SH3GL2: variants seen among roughly 807,000 people sequenced by gnomAD.
SH3GL2 encodes endophilin-A1.
SH3GL2 carries 24 observed loss-of-function variants against 46.0 expected under a neutral mutation model. The ratio of observed to expected loss-of-function variants is 0.52; its 90% CI spans 0.38 to 0.73. The LOEUF (loss-of-function observed/expected upper bound fraction) is 0.73, where lower values mean the gene tolerates loss of function less well. Ranked by LOEUF, SH3GL2 falls within the 30% of genes least tolerant of loss-of-function variation. The probability of loss-of-function intolerance (pLI) is 0.00; values close to 1 mark genes in which losing one functional copy is unlikely to be tolerated. For synonymous variants in SH3GL2, 196 were observed against 147.1 expected, an observed-to-expected ratio of 1.33 and a Z score of -2.40; for missense variants, 413 against 424.2, an observed-to-expected ratio of 0.97 and a Z score of 0.23.
rs1472137408 is a variant in SH3GL2, at chr9:17,685,057, AG to A, written c.46-62006del. Among the ~76,000 whole-genome samples the A allele has an allele frequency of 1.3e-4, 20 of 152,184 alleles. 2 individuals are homozygous for A. The East Asian group carries it at 3.7e-3, about 28-fold the overall frequency. On this transcript the variant is annotated intron_variant, in intron 1 of 8. Coordinates refer to ENST00000380607, the MANE Select transcript of SH3GL2 (RefSeq NM_003026.5). ...CATGGTATAGCTTTGGTGGTTTTTA[AG>A]GGTGGTGTACTTGGTACCTATATCA...
At position 17,787,346 on chromosome 9, in the gene SH3GL2, T is replaced by G. The variant is rs752335394; in HGVS notation, c.332-34T>G. ...TTATTGCGAGTGCATTTCATCTTTA[T>G]TCTGTAACATGAAAGAGCTTTATTC... On this transcript the variant is annotated intron_variant, in intron 4 of 8. Coordinates refer to ENST00000380607, the MANE Select transcript of SH3GL2 (RefSeq NM_003026.5). The G allele has an allele frequency of 1.9e-6, 3 of 1,593,422 alleles. No individual in the cohort carries two copies. In the African/African-American group the frequency reaches 4.0e-5, roughly 22 times the overall value.
At chr9:17,677,284 GT>G (rs1820636570) in intron 1 of SH3GL2, among the ~76,000 whole-genome samples, 3 of 151,904 alleles carry the variant, frequency 2.0e-5, no homozygotes, top group Admixed American at 6.6e-5. Context: ...GTATAATCTT[GT>G]TTGTGGCTTA....
chr9:17,772,674 G>C (rs557445501), intron 3 of SH3GL2, among the ~76,000 whole-genome samples: 1 of 152,074 alleles, frequency 6.6e-6, no homozygotes, highest in Non-Finnish European at 1.5e-5. Flanking sequence ...TATAAGAATT[G>C]CCTTCCTTTT....
chr9:17,790,324 C>G (rs1824088298), intron 6 of SH3GL2: 1 of 388,306 alleles, frequency 2.6e-6, no homozygotes, highest in Non-Finnish European at 3.5e-6. Flanking sequence ...AGAAATAATG[C>G]TTTACCAGCT....
intron 1 of SH3GL2, among the ~76,000 whole-genome samples, chr9:17,579,904 A>G (rs1818245905): frequency 6.6e-6 from 1 of 152,238 alleles, no homozygotes; most frequent in South Asian, 2.1e-4. Context: ...CTTTGAGGCC[A>G]GGGCATGACA....
chr9:17,793,227 A>G, intron 7 of SH3GL2, 140 bp from the exon 8 acceptor site: 1 of 705,974 alleles, frequency 1.4e-6, no homozygotes, highest in East Asian at 2.8e-5. Context: ...AAGAAAACTA[A>G]GGGTCCTTTT....
At chr9:17,786,797 C>G (rs753534106) in intron 4 of SH3GL2, among the ~76,000 whole-genome samples, 1 of 151,960 alleles carries the variant, frequency 6.6e-6, no homozygotes, top group Non-Finnish European at 1.5e-5. Flanking sequence ...TTGGCACTTT[C>G]TATTGGGTGT....
At chr9:17,662,742 T>C (rs1820252029) in intron 1 of SH3GL2, among the ~76,000 whole-genome samples, 2 of 147,858 alleles carry the variant, frequency 1.4e-5, no homozygotes. Context: ...AGAGTCTTGC[T>C]CTTGTCACCC....
chr9:17,691,086 A>G (rs1821065215), intron 1 of SH3GL2, among the ~76,000 whole-genome samples: 1 of 152,194 alleles, frequency 6.6e-6, no homozygotes. Flanking sequence ...GAACCTTAGC[A>G]TGCTAGGGTA....
intron 1 of SH3GL2, among the ~76,000 whole-genome samples, chr9:17,690,414 C>G (rs1821046394): frequency 6.6e-6 from 1 of 152,078 alleles, no homozygotes; most frequent in South Asian, 2.1e-4. Flanking sequence ...TGATTTTGAC[C>G]TCTTTGGCTT....
intron 1 of SH3GL2, among the ~76,000 whole-genome samples, chr9:17,743,097 A>G (rs192396916): frequency 5.9e-5 from 9 of 152,334 alleles, no homozygotes; most frequent in African/African-American, 1.9e-4. Flanking sequence ...ATTATTGGCC[A>G]GATGGACTCA....
At chr9:17,684,589 T>G (rs957570863) in intron 1 of SH3GL2, among the ~76,000 whole-genome samples, 1 of 152,104 alleles carries the variant, frequency 6.6e-6, no homozygotes, top group African/African-American at 2.4e-5. Context: ...CCCAAACTAA[T>G]GACACATACC....
At chr9:17,655,132 A>G (rs1020218568) in intron 1 of SH3GL2, among the ~76,000 whole-genome samples, 4 of 152,202 alleles carry the variant, frequency 2.6e-5, no homozygotes, top group Admixed American at 6.5e-5. Context: ...GCCTTAAGCC[A>G]GGGTCCATAA....
chr9:17,707,092 C>A (rs940072681), intron 1 of SH3GL2, among the ~76,000 whole-genome samples: 1 of 152,028 alleles, frequency 6.6e-6, no homozygotes, highest in African/African-American at 2.4e-5. Flanking sequence ...GAGCAGCCTA[C>A]AGTAATGGGG....
At chr9:17,648,496 T>A (rs574812780) in intron 1 of SH3GL2, among the ~76,000 whole-genome samples, 9 of 152,332 alleles carry the variant, frequency 5.9e-5, no homozygotes, top group African/African-American at 1.9e-4. Context: ...TGTTCTGAGT[T>A]AACTCACTCA....
intron 1 of SH3GL2, among the ~76,000 whole-genome samples, chr9:17,662,532 G>T (rs1401121597): frequency 6.6e-6 from 1 of 152,114 alleles, no homozygotes; most frequent in Non-Finnish European, 1.5e-5. Context: ...AGTGCCTTCT[G>T]TATACAATGA....
At chr9:17,615,375 G>A (rs1818964514) in intron 1 of SH3GL2, among the ~76,000 whole-genome samples, 1 of 151,830 alleles carries the variant, frequency 6.6e-6, no homozygotes, top group African/African-American at 2.4e-5. Context: ...TCCCTTCATT[G>A]GCTGGGTGCG....
intron 1 of SH3GL2, among the ~76,000 whole-genome samples, chr9:17,740,465 A>AGTATT (rs137877310): frequency 0.019 from 2,844 of 151,278 alleles, 90 homozygotes; most frequent in African/African-American, 0.062. Flanking sequence ...TATGTCATCA[A>AGTATT]GTATTGTATT....
At chr9:17,645,151 CTTTTTTTTTTTTTTTTTTTT>C (rs57611978) in intron 1 of SH3GL2, among the ~76,000 whole-genome samples, 2 of 68,780 alleles carry the variant, frequency 2.9e-5, no homozygotes, top group Admixed American at 1.9e-4. Flanking sequence ...GCAAACGCTG[CTTTTTTTTTTTTTTTTTTTT>C]TTTTTTTTTT....
Sources: allele counts gnomAD v4.1 joint callset (sites outside exome capture counted in the v4.1 genomes callset), GRCh38; gene constraint gnomAD v4.1.1; transcripts MANE v1.5; gene names NCBI Gene and HGNC (gene_info 2026-07-23, HGNC 2026-07-21).